PALD1: variants seen among roughly 807,000 people sequenced by gnomAD.
The protein encoded by PALD1 is paladin.
Under a neutral mutation model 96.0 loss-of-function variants are expected in PALD1, and 57 were observed. The observed-to-expected ratio is 0.59, with a 90% CI of 0.48 to 0.74. PALD1 has a LOEUF of 0.74. PALD1 is among the 30% of genes least tolerant of loss of function. PALD1 has a pLI of 0.00. For missense variants in PALD1, 1,063 were observed against 1,143.7 expected (o/e 0.93, Z 1.02); for synonymous variants, 464 against 473.6 (o/e 0.98, Z 0.26).
At position 70,539,278 on chromosome 10, in the gene PALD1, C is replaced by T. The variant is rs1187236249; in HGVS notation, c.1725+31C>T. The T allele has an allele frequency of 6.3e-7, 1 of 1,582,350 alleles. No individual in the cohort carries two copies. The highest frequency in any genetic ancestry group is 1.8e-5 in the Admixed American group (1 of 56,496). On this transcript the variant is annotated intron_variant, in intron 14 of 19. Transcript: ENST00000263563. The surrounding 1 kb of genome is among the most constrained non-coding windows in gnomAD (Gnocchi z 4.5). The stretch of plus-strand genomic sequence containing the variant: ...GCCCCCTGCCCTCTAGGCACCCCTG[C>T]CTCCGAGGCTTCTGGGGAGTGGCCT...
intron 2 of PALD1, among the ~76,000 whole-genome samples, chr10:70,528,050 G>A (rs1191463768): frequency 1.3e-5 from 2 of 152,096 alleles, no homozygotes; most frequent in African/African-American, 2.4e-5. Context: ...TTGTCCTTGC[G>A]ATGGTTTGCT....
At chr10:70,490,396 G>GT (rs377746263) in intron 1 of PALD1, among the ~76,000 whole-genome samples, 39 of 152,224 alleles carry the variant, frequency 2.6e-4, no homozygotes, top group African/African-American at 8.7e-4. Context: ...TAATTTAAAA[G>GT]TTTTTTTAAT....
intron 18 of PALD1, among the ~76,000 whole-genome samples, chr10:70,558,078 G>T: frequency 6.6e-6 from 1 of 151,778 alleles, no homozygotes; most frequent in African/African-American, 2.4e-5. Context: ...GAATGACTGG[G>T]GCTACAGGCA....
chr10:70,561,693 C>T (rs10999399), intron 18 of PALD1, among the ~76,000 whole-genome samples: 38,657 of 152,020 alleles, frequency 0.25, 5,351 homozygotes, highest in Non-Finnish European at 0.32. Context: ...GCTTGGCCTC[C>T]ATACCCACTC....
intron 1 of PALD1, among the ~76,000 whole-genome samples, chr10:70,488,147 G>T (rs145014427): frequency 3.3e-5 from 5 of 151,178 alleles, no homozygotes; most frequent in Non-Finnish European, 7.4e-5. Flanking sequence ...TTTAAGAAGG[G>T]CCTCTTTCCT....
At chr10:70,546,559 G>A (rs969302369) in intron 17 of PALD1, among the ~76,000 whole-genome samples, 3 of 152,198 alleles carry the variant, frequency 2.0e-5, no homozygotes, top group Non-Finnish European at 4.4e-5. Context: ...GAAAATCTGT[G>A]TAGTGTGCAA....
Position 70,547,393 on chromosome 10 carries a change from A to G in PALD1, c.2209A>G (p.Met737Val). The G allele has an allele frequency of 6.2e-7, 1 of 1,613,210 alleles. No homozygotes were observed. The highest frequency in any genetic ancestry group is 2.2e-5 in the East Asian group (1 of 44,886). Residue 737 changes from methionine to valine, a missense_variant, in exon 18 of 20, where the codon ATG becomes GTG. Physicochemically the swap from Met to Val is conservative, Grantham distance 21. Coordinates refer to ENST00000263563, the MANE Select transcript of PALD1 (RefSeq NM_014431.3). Reference protein sequence around the residue: ...DAALDTVSETMTPMHYHLREI... With the variant: ...DAALDTVSETVTPMHYHLREI... Reference sequence around the variant, plus strand: ...AGCGCTGGACACTGTCAGCGAGACCATGACGCCCATGCACTACCACCTGCG... The same window carrying G: ...AGCGCTGGACACTGTCAGCGAGACCGTGACGCCCATGCACTACCACCTGCG...
At chr10:70,564,601 C>T in intron 19 of PALD1, 82 bp downstream of exon 19, 2 of 1,381,752 alleles carry the variant, frequency 1.4e-6, no homozygotes, top group Non-Finnish European at 2.0e-6. Context: ...AGTGCCTGTA[C>T]ATGGCCTGCG....
At chr10:70,526,198 TG>T in intron 2 of PALD1, 62 bp downstream of exon 2, 1 of 1,427,212 alleles carries the variant, frequency 7.0e-7, no homozygotes, top group Non-Finnish European at 9.8e-7. Flanking sequence ...GGGACCTGCT[TG>T]GGGGTGCAGT....
intron 1 of PALD1, among the ~76,000 whole-genome samples, chr10:70,492,397 C>T (rs1846113792): frequency 6.8e-6 from 1 of 147,378 alleles, no homozygotes; most frequent in African/African-American, 2.5e-5. Context: ...GTGGAACCAT[C>T]GTTAAGTCAG....
intron 1 of PALD1, among the ~76,000 whole-genome samples, chr10:70,519,237 C>T (rs2132335813): frequency 6.6e-6 from 1 of 152,276 alleles, no homozygotes; most frequent in Non-Finnish European, 1.5e-5. Flanking sequence ...GCTACTGTGC[C>T]TGGCCTCTAA....
intron 19 of PALD1, among the ~76,000 whole-genome samples, 175 bp downstream of exon 19, chr10:70,564,694 C>T (rs893720367): frequency 3.3e-5 from 5 of 152,220 alleles, no homozygotes; most frequent in African/African-American, 1.2e-4. Context: ...TCTAATCTGA[C>T]TTTGGGTCCC....
chr10:70,505,331 C>T (rs1375217255), intron 1 of PALD1, among the ~76,000 whole-genome samples: 1 of 152,176 alleles, frequency 6.6e-6, no homozygotes, highest in African/African-American at 2.4e-5. Context: ...TGTGGTGGCT[C>T]ACGCCTATAA....
intron 2 of PALD1, among the ~76,000 whole-genome samples, chr10:70,527,532 C>G (rs903080149): frequency 6.6e-6 from 1 of 152,180 alleles, no homozygotes; most frequent in Non-Finnish European, 1.5e-5. Context: ...GCCTCAATGG[C>G]AGAATTGAGT....
At position 70,504,382 on chromosome 10, in the gene PALD1, G is replaced by T. The variant is rs148194180; in HGVS notation, c.-29-21541G>T. On this transcript the variant is annotated intron_variant, in intron 1 of 19. Transcript: ENST00000263563. The stretch of plus-strand genomic sequence containing the variant: ...TCTCTACTAAAAATACAAAAATTAG[G>T]CATGGTGGTGCATGCCTGTGATCTC... 3.8e-4 allele frequency among the ~76,000 whole-genome samples: 58 copies of T among 152,188 alleles called. No individual in the cohort carries two copies. The East Asian group carries it at 0.01, about 27-fold the overall frequency.
At chr10:70,509,803 G>T (rs1397727579) in intron 1 of PALD1, among the ~76,000 whole-genome samples, 2 of 152,196 alleles carry the variant, frequency 1.3e-5, no homozygotes, top group African/African-American at 4.8e-5. Context: ...GGGTCTGGGG[G>T]CAGGAAGCGC....
At chr10:70,464,806 T>C in the PALD1 span, among the ~76,000 whole-genome samples, 1 of 150,422 alleles carries the variant, frequency 6.6e-6, no homozygotes, top group African/African-American at 2.5e-5. Context: ...TTTTGTAATT[T>C]TAGTAGAGAT....
intron 1 of PALD1, among the ~76,000 whole-genome samples, chr10:70,501,044 G>T (rs1191785279): frequency 6.6e-6 from 1 of 152,176 alleles, no homozygotes; most frequent in Non-Finnish European, 1.5e-5. Context: ...CTTTCATCCG[G>T]CAAGGTCACT....
chr10:70,480,333 G>C (rs1316463210), intron 1 of PALD1, among the ~76,000 whole-genome samples: 1 of 152,218 alleles, frequency 6.6e-6, no homozygotes, highest in Non-Finnish European at 1.5e-5. Context: ...AGGAGGTTCA[G>C]AGGTAAGCAG....
Sources: gnomAD v4.1 joint callset for allele counts (sites outside exome capture counted in the v4.1 genomes callset) on GRCh38, gnomAD v4.1.1 for gene constraint, Gnocchi (gnomAD v3.1) non-coding constraint, MANE v1.5 for transcripts, NCBI Gene and HGNC (gene_info 2026-07-23, HGNC 2026-07-21) for gene names.